PCYOX1: variants seen among roughly 807,000 people sequenced by gnomAD.
PCYOX1 encodes prenylcysteine oxidase 1, also known as prenylcysteine lyase.
PCYOX1 carries 46 observed loss-of-function variants against 46.4 expected under a neutral mutation model. The ratio of observed to expected loss-of-function variants is 0.99; its 90% CI spans 0.78 to 1.27. The LOEUF (loss-of-function observed/expected upper bound fraction) is 1.27. Ranked by LOEUF, PCYOX1 falls within the 50% of genes most tolerant of loss-of-function variation. The pLI is 0.00. For synonymous variants in PCYOX1, 220 were observed against 231.8 expected, an observed-to-expected ratio of 0.95 and a Z score of 0.46; for missense variants, 658 against 628.3, an observed-to-expected ratio of 1.05 and a Z score of -0.51.
chr2:70,276,880 T>A lies in PCYOX1; in HGVS notation c.1006T>A (p.Phe336Ile), dbSNP rs1265203945. Reference sequence around the variant, plus strand: ...CAACTTTGATCCTCCAATTGAGGAATTCCATCAATATTATCAACATATAGT... The same window carrying A: ...CAACTTTGATCCTCCAATTGAGGAAATCCATCAATATTATCAACATATAGT... ...FLNFDPPIEE[F>I]HQYYQHIVTT... Residue 336 changes from phenylalanine to isoleucine, a missense_variant, in exon 6 of 6, where the codon TTC becomes ATC. Coordinates refer to ENST00000433351, the MANE Select transcript of PCYOX1 (RefSeq NM_016297.4). The A allele has an allele frequency of 6.2e-7, 1 of 1,613,528 alleles. No homozygotes were observed. The highest frequency in any genetic ancestry group is 1.3e-5 in the African/African-American group (1 of 74,932).
At chr2:70,276,299 A>AG in intron 5 of PCYOX1, among the ~76,000 whole-genome samples, 1 of 151,294 alleles carries the variant, frequency 6.6e-6, no homozygotes. Context: ...CGTCCCGAGT[A>AG]GCTGGGACTA....
In PCYOX1 at chr2:70,279,102, A is replaced by C. The variant is rs1161927914; in HGVS notation, c.*1710A>C. 1 of 152,144 alleles carries C rather than the reference A, an allele frequency of 6.6e-6. No homozygotes were observed. Among genetic ancestry groups the C allele is most frequent in the East Asian group, 1.9e-4 (1 of 5,192 alleles). 9.4% of individuals were successfully genotyped at this position (152,144 alleles called of 1,614,324 possible). On this transcript the variant is annotated 3_prime_UTR_variant, in exon 6 of 6. Coordinates refer to ENST00000433351, the MANE Select transcript of PCYOX1 (RefSeq NM_016297.4). The stretch of plus-strand genomic sequence containing the variant: ...AACAGAGACCATCTTAAAAAAAAAA[A>C]ATCCTTCCATTGAATAGAAACTTCA...
chr2:70,276,391 A>G (rs1056714857), intron 5 of PCYOX1, among the ~76,000 whole-genome samples: 4 of 151,930 alleles, frequency 2.6e-5, no homozygotes, highest in Admixed American at 6.6e-5. Context: ...TATTTTTAGT[A>G]GAGACGGGGT....
In PCYOX1 at chr2:70,281,091, A is replaced by G. The variant is rs1190288481; in HGVS notation, c.*3699A>G. On this transcript the variant is annotated 3_prime_UTR_variant, in exon 6 of 6. Coordinates refer to ENST00000433351, the MANE Select transcript of PCYOX1 (RefSeq NM_016297.4). ...ACTCACTCACAAAGAACCATGATACACTGGAATGTTTTTCTCTGGAATCCT... is the reference window on the plus strand; with the variant it reads ...ACTCACTCACAAAGAACCATGATACGCTGGAATGTTTTTCTCTGGAATCCT... 6.6e-6 allele frequency: 1 copy of G among 152,244 alleles called. No individual in the cohort carries two copies. Among genetic ancestry groups the G allele is most frequent in the African/African-American group, 2.4e-5 (1 of 41,424 alleles). 9.4% of individuals were successfully genotyped at this position (152,244 alleles called of 1,614,324 possible).
chr2:70,262,415 C>T (rs865809161), intron 3 of PCYOX1, among the ~76,000 whole-genome samples: 1 of 152,014 alleles, frequency 6.6e-6, no homozygotes, highest in Middle Eastern at 3.4e-3. Context: ...ATCCACCTGC[C>T]TCGGCCTCCC....
chr2:70,276,947 G>C lies in PCYOX1; in HGVS notation c.1073G>C (p.Ser358Thr). ...VKGELNTSIF[S>T]SRPIDKFGLN... ...GGGGAATTGAATACATCTATCTTTA[G>C]CTCTAGACCCATAGATAAATTTGGC... Residue 358 changes from serine (S) to threonine (T), a missense_variant, in exon 6 of 6, where the codon AGC becomes ACC. Transcript: ENST00000433351. 6.2e-7 allele frequency: 1 copy of C among 1,612,558 alleles called. No homozygotes were observed. The highest frequency in any genetic ancestry group is 8.5e-7 in the Non-Finnish European group (1 of 1,178,626).
At chr2:70,264,718 T>G (rs934747456) in intron 3 of PCYOX1, among the ~76,000 whole-genome samples, 1 of 151,658 alleles carries the variant, frequency 6.6e-6, no homozygotes, top group South Asian at 2.1e-4. Context: ...TTTTTGACTT[T>G]AAAAAATAAT....
rs770801695 is a variant in PCYOX1, at chr2:70,259,477, C to T, written c.230C>T (p.Thr77Ile). 1 of 1,614,042 alleles carries T rather than the reference C, an allele frequency of 6.2e-7. No individual in the cohort carries two copies. The highest frequency in any genetic ancestry group is 8.5e-7 in the Non-Finnish European group (1 of 1,179,978). ...GAAGAGGTCGGGGGCCGCCTGGCTACCATGATGGTGCAGGGGCAAGAATAC... is the reference window on the plus strand; with the variant it reads ...GAAGAGGTCGGGGGCCGCCTGGCTATCATGATGGTGCAGGGGCAAGAATAC... ...EREEVGGRLA[T>I]MMVQGQEYEA... Residue 77 changes from threonine to isoleucine, a missense_variant, in exon 2 of 6, where the codon ACC (threonine) becomes ATC (isoleucine). Thr to Ile is a moderately conservative substitution (Grantham distance 89). Transcript: ENST00000433351.
At chr2:70,273,640 G>T (rs544378959) in intron 3 of PCYOX1, among the ~76,000 whole-genome samples, 1 of 152,216 alleles carries the variant, frequency 6.6e-6, no homozygotes, top group East Asian at 1.9e-4. Flanking sequence ...CCCCTTAAGG[G>T]AATAAGAGAT....
In PCYOX1 at chr2:70,277,030, G is replaced by A. The variant is rs146213046; in HGVS notation, c.1156G>A (p.Val386Met). 2 of 1,613,798 alleles carry A rather than the reference G, an allele frequency of 1.2e-6. No homozygotes were observed. The highest frequency in any genetic ancestry group is 1.3e-5 in the African/African-American group (1 of 74,924). ...SDLFINSIGIVPSVREKEDPE... is the reference protein window; with the variant it reads ...SDLFINSIGIMPSVREKEDPE... The stretch of plus-strand genomic sequence containing the variant: ...TTTGTTCATTAACAGTATTGGGATT[G>A]TGCCCTCTGTGAGAGAAAAGGAAGA... Residue 386 changes from valine to methionine, a missense_variant, in exon 6 of 6, where the codon GTG becomes ATG. Val to Met is a conservative substitution (Grantham distance 21). Coordinates refer to ENST00000433351, the MANE Select transcript of PCYOX1 (RefSeq NM_016297.4).
chr2:70,277,546 C>G lies in PCYOX1; in HGVS notation c.*154C>G, dbSNP rs1696691185. On this transcript the variant is annotated 3_prime_UTR_variant, in exon 6 of 6. Transcript: ENST00000433351. ...GCTGGTCATAGGAAAACACACGGTT[C>G]TAATTAAGTGTGAAGGTATAGCTAT... The G allele has an allele frequency of 3.1e-6, 2 of 641,270 alleles. No individual in the cohort carries two copies. Among genetic ancestry groups the G allele is most frequent in the Non-Finnish European group, 5.4e-6 (2 of 369,300 alleles). 39.7% of individuals were successfully genotyped at this position (641,270 alleles called of 1,614,324 possible).
At chr2:70,263,987 A>G (rs1199920819) in intron 3 of PCYOX1, among the ~76,000 whole-genome samples, 51 of 93,954 alleles carry the variant, frequency 5.4e-4, no homozygotes, top group African/African-American at 2.1e-3. Context: ...TTTTTGATAC[A>G]GGTCTCACTC....
intron 3 of PCYOX1, among the ~76,000 whole-genome samples, chr2:70,267,359 A>G (rs1342848566): frequency 6.8e-6 from 1 of 147,824 alleles, no homozygotes; most frequent in Non-Finnish European, 1.5e-5. Context: ...CGGCCAGGCA[A>G]AGACACTCCT....
chr2:70,272,778 A>G (rs1044036341), intron 3 of PCYOX1, among the ~76,000 whole-genome samples: 2 of 151,918 alleles, frequency 1.3e-5, no homozygotes, highest in African/African-American at 4.8e-5. Flanking sequence ...GACTTACTGC[A>G]ACCTCTGTCT....
At position 70,258,237 on chromosome 2, in the gene PCYOX1, C is replaced by T. The variant is rs763788130; in HGVS notation, c.73C>T (p.Pro25Ser). 6.3e-7 allele frequency: 1 copy of T among 1,595,286 alleles called. No homozygotes were observed. Among genetic ancestry groups the T allele is most frequent in the South Asian group, 1.1e-5 (1 of 90,350 alleles). The change falls in exon 1 of 6, where the codon CCC becomes TCC. Residue 25 changes from proline to serine, a missense_variant. Pro to Ser is a moderately conservative substitution (Grantham distance 74). Coordinates refer to ENST00000433351, the MANE Select transcript of PCYOX1 (RefSeq NM_016297.4). ...GCTGTTGCTGTGCAGCTGCGGATGC[C>T]CCGAGGGCGCCGAGCTGCGTGCTCC... ...LWLLLCSCGCPEGAELRAPPD... is the reference protein window; with the variant it reads ...LWLLLCSCGCSEGAELRAPPD...
intron 3 of PCYOX1, among the ~76,000 whole-genome samples, chr2:70,263,669 T>G (rs1320112560): frequency 6.6e-6 from 1 of 151,984 alleles, no homozygotes; most frequent in Non-Finnish European, 1.5e-5. Flanking sequence ...TCTTTTCTTT[T>G]TTTTTTTTGA....
At chr2:70,261,080 C>A in intron 2 of PCYOX1, 132 bp from the exon 3 acceptor site, 1 of 590,230 alleles carries the variant, frequency 1.7e-6, no homozygotes, top group South Asian at 2.5e-5. Flanking sequence ...TAGTGTTTCA[C>A]ACTGTTCCAA....
chr2:70,259,255 T>C, intron 1 of PCYOX1, 105 bp from the exon 2 acceptor site: 1 of 1,017,832 alleles, frequency 9.8e-7, no homozygotes, highest in South Asian at 1.4e-5. Context: ...TTGTTGGTAA[T>C]AGCTTTGAGT....
intron 3 of PCYOX1, among the ~76,000 whole-genome samples, chr2:70,262,637 G>A (rs1696457625): frequency 6.6e-6 from 1 of 151,770 alleles, no homozygotes. Context: ...CTGCCACTGT[G>A]CCTGGCTAAT....
Sources: gnomAD v4.1 joint callset for allele counts (sites outside exome capture counted in the v4.1 genomes callset) on GRCh38, gnomAD v4.1.1 for gene constraint, MANE v1.5 for transcripts, NCBI Gene and HGNC (gene_info 2026-07-23, HGNC 2026-07-21) for gene names.